The following SLC39A13 variants were observed in gnomAD, a reference collection of about 807,000 sequenced individuals.
The protein encoded by SLC39A13 is solute carrier family 39 member 13, also known as zinc transporter ZIP13.
A neutral mutation model predicts 38.7 loss-of-function variants in SLC39A13; 18 were observed. That is an observed-to-expected ratio of 0.47 (90% confidence interval 0.32 to 0.69). SLC39A13 has a LOEUF of 0.69. SLC39A13 is among the 30% of genes least tolerant of loss of function. The pLI, the probability that SLC39A13 is intolerant of heterozygous loss-of-function variation, is 0.03. For synonymous variants in SLC39A13, 212 were observed against 219.1 expected, an observed-to-expected ratio of 0.97 and a Z score of 0.29; for missense variants, 395 against 490.7, an observed-to-expected ratio of 0.80 and a Z score of 1.84.
chr11:47,414,370 G>C (rs1323954083), intron 6 of SLC39A13, 55 bp from the exon 7 acceptor site: 1 of 1,566,736 alleles, frequency 6.4e-7, no homozygotes, highest in African/African-American at 1.4e-5. Flanking sequence ...GAGTGGGCGA[G>C]TGGGGTGCTC....
upstream of SLC39A13, among the ~76,000 whole-genome samples, chr11:47,408,084 C>A (rs962753325): frequency 5.3e-5 from 8 of 152,280 alleles, no homozygotes; most frequent in Non-Finnish European, 1.0e-4. Context: ...TTCCCGGGGC[C>A]AGGCCCCTCC....
intron 2 of SLC39A13, among the ~76,000 whole-genome samples, chr11:47,411,597 TC>T (rs1565662337): frequency 6.6e-6 from 1 of 152,134 alleles, no homozygotes; most frequent in Non-Finnish European, 1.5e-5. Context: ...AGAGCGAGAC[TC>T]CATCTCAAAA....
Position 47,415,273 on chromosome 11 carries a change from G to A in SLC39A13, c.1041-15G>A, listed in dbSNP as rs762412348. On this transcript the variant is annotated splice_polypyrimidine_tract_variant and intron_variant, in intron 9 of 9. Coordinates refer to ENST00000362021, the MANE Select transcript of SLC39A13 (RefSeq NM_001128225.3). ...CCTGCCCATGCCTCCACCGTGAGCC[G>A]TTCCCTCCCCACAGGCGCTCCCTGC... is the stretch of plus-strand genomic sequence containing the variant. The A allele has an allele frequency of 2.2e-5, 36 of 1,613,702 alleles. 1 individual carries two copies. The Middle Eastern group carries it at 2.5e-3, about 111-fold the overall frequency.
intron 2 of SLC39A13, among the ~76,000 whole-genome samples, chr11:47,410,695 C>T (rs892014219): frequency 6.6e-6 from 1 of 152,090 alleles, no homozygotes; most frequent in African/African-American, 2.4e-5. Context: ...ATGTACTGCC[C>T]GTTCACAAAT....
rs773587008 is a variant in SLC39A13, at chr11:47,415,410, C to T, written c.*47C>T. 1.4e-5 allele frequency: 23 copies of T among 1,599,182 alleles called. No individual in the cohort carries two copies. In the Admixed American group the frequency reaches 2.5e-4, roughly 17 times the overall value. ...CTGCCCCCTGCAGCAATAAGATGCT[C>T]GGATTCACTCTGTGACCGCATATGT... On this transcript the variant is annotated 3_prime_UTR_variant, in exon 10 of 10. Transcript: ENST00000362021.
chr11:47,413,590 T>C lies in SLC39A13; in HGVS notation c.646-7T>C, dbSNP rs140597965. On this transcript the variant is annotated splice_region_variant and splice_polypyrimidine_tract_variant and intron_variant, in intron 5 of 9. Coordinates refer to ENST00000362021, the MANE Select transcript of SLC39A13 (RefSeq NM_001128225.3). Reference sequence around the variant, plus strand: ...CAGCCCTGCCTCCTGCCTTCCCTCCTTCCCAGGTCAGCGGCTACCTCAACC... The same window carrying C: ...CAGCCCTGCCTCCTGCCTTCCCTCCCTCCCAGGTCAGCGGCTACCTCAACC... 1.7e-4 allele frequency: 272 copies of C among 1,614,188 alleles called. 1 individual carries two copies. In the African/African-American group the frequency reaches 3.0e-3, roughly 18 times the overall value.
chr11:47,415,481 G>A lies in SLC39A13; in HGVS notation c.*118G>A, dbSNP rs368110805. The A allele has an allele frequency of 1.7e-4, 201 of 1,156,506 alleles. 3 individuals are homozygous for A. The South Asian group carries it at 2.2e-3, about 13-fold the overall frequency. 71.6% of individuals were successfully genotyped at this position (1,156,506 alleles called of 1,614,324 possible). On this transcript the variant is annotated 3_prime_UTR_variant, in exon 10 of 10. Coordinates refer to ENST00000362021, the MANE Select transcript of SLC39A13 (RefSeq NM_001128225.3). The stretch of plus-strand genomic sequence containing the variant: ...GGCTGCGAGAGAGAATGAGCCTCCC[G>A]CCAGACAGGAGGGAGGTGCGTGTGG...
intron 6 of SLC39A13, 52 bp downstream of exon 6, chr11:47,413,738 G>A (rs927657319): frequency 5.1e-6 from 8 of 1,581,470 alleles, no homozygotes; most frequent in Admixed American, 3.5e-5. Flanking sequence ...GCAGCCATGT[G>A]GATTCCACCT....
At chr11:47,410,705 T>C (rs1171928306) in intron 2 of SLC39A13, among the ~76,000 whole-genome samples, 4 of 152,068 alleles carry the variant, frequency 2.6e-5, no homozygotes, top group Non-Finnish European at 5.9e-5. Context: ...CGTTCACAAA[T>C]AACATGTTGT....
At position 47,409,995 on chromosome 11, in the gene SLC39A13, G is replaced by T. The variant is rs547952897; in HGVS notation, c.-8-92G>T. The T allele has an allele frequency of 1.3e-4, 186 of 1,482,846 alleles. No homozygotes were observed. In the South Asian group the frequency reaches 2.1e-3, roughly 16 times the overall value. 91.9% of individuals were successfully genotyped at this position (1,482,846 alleles called of 1,614,324 possible). A position where few individuals can be genotyped will look rare whatever the true frequency, so the allele number is the denominator to read the frequency against. ...GGACAGCAGGAGGGTGGATGCCAGG[G>T]TCCCTTGCGGGGAGGAGGGAGGCGC... On this transcript the variant is annotated intron_variant, in intron 1 of 9. Coordinates refer to ENST00000362021, the MANE Select transcript of SLC39A13 (RefSeq NM_001128225.3).
intron 3 of SLC39A13, 37 bp downstream of exon 3, chr11:47,412,076 A>G (rs755433114): frequency 6.3e-7 from 1 of 1,578,104 alleles, no homozygotes; most frequent in Non-Finnish European, 8.6e-7. Flanking sequence ...AGACAGTGCC[A>G]GGAGTGGGGG....
At chr11:47,413,246 T>C (rs1475526070) in intron 4 of SLC39A13, among the ~76,000 whole-genome samples, 154 bp from the exon 5 acceptor site, 1 of 152,168 alleles carries the variant, frequency 6.6e-6, no homozygotes, top group African/African-American at 2.4e-5. Flanking sequence ...CCTCAGGTGA[T>C]CCATCTGCCT....
chr11:47,410,936 G>A (rs2153293418), intron 2 of SLC39A13, among the ~76,000 whole-genome samples: 1 of 152,346 alleles, frequency 6.6e-6, no homozygotes, highest in South Asian at 2.1e-4. Flanking sequence ...TGTGAATAGA[G>A]CCCTGCTTGG....
Position 47,415,683 on chromosome 11 carries a change from C to T in SLC39A13, c.*320C>T. 1 of 450,836 alleles carries T rather than the reference C, an allele frequency of 2.2e-6. No homozygotes were observed. Among genetic ancestry groups the T allele is most frequent in the African/African-American group, 2.0e-5 (1 of 50,138 alleles). 27.9% of individuals were successfully genotyped at this position (450,836 alleles called of 1,614,324 possible). Reference sequence around the variant, plus strand: ...AGCAGCGAGGAAGAGCAGCACTGGTCCCAAGCAGAGGCCTTGCCCTGCTGG... The same window carrying T: ...AGCAGCGAGGAAGAGCAGCACTGGTTCCAAGCAGAGGCCTTGCCCTGCTGG... On this transcript the variant is annotated 3_prime_UTR_variant, in exon 10 of 10. Coordinates refer to ENST00000362021, the MANE Select transcript of SLC39A13 (RefSeq NM_001128225.3).
Position 47,415,480 on chromosome 11 carries a change from C to T in SLC39A13, c.*117C>T, listed in dbSNP as rs548112055. ...TGGCTGCGAGAGAGAATGAGCCTCC[C>T]GCCAGACAGGAGGGAGGTGCGTGTG... On this transcript the variant is annotated 3_prime_UTR_variant, in exon 10 of 10. Transcript: ENST00000362021. 7.2e-5 allele frequency: 85 copies of T among 1,181,482 alleles called. 1 individual carries two copies. Among genetic ancestry groups the T allele is most frequent in the South Asian group, 7.2e-4 (58 of 81,054 alleles). The allele number at this position is 1,181,482 out of a possible 1,614,324, so 73.2% of individuals were successfully genotyped here. A position where few individuals can be genotyped will look rare whatever the true frequency, so the allele number is the denominator to read the frequency against.
In SLC39A13 at chr11:47,413,585, C is replaced by G. The variant is rs2096010648; in HGVS notation, c.646-12C>G. 1.2e-6 allele frequency: 2 copies of G among 1,614,242 alleles called. No homozygotes were observed. Among genetic ancestry groups the G allele is most frequent in the South Asian group, 2.2e-5 (2 of 91,092 alleles). On this transcript the variant is annotated splice_polypyrimidine_tract_variant and intron_variant, in intron 5 of 9. Coordinates refer to ENST00000362021, the MANE Select transcript of SLC39A13 (RefSeq NM_001128225.3). ...CCACTCAGCCCTGCCTCCTGCCTTC[C>G]CTCCTTCCCAGGTCAGCGGCTACCT...
In SLC39A13 at chr11:47,412,423, T is replaced by C; in HGVS notation, c.493T>C (p.Leu165=). ...VIAGILTFLA[L]EKMFLDSKEE... The stretch of plus-strand genomic sequence containing the variant: ...TGCTGGCATCCTGACCTTCCTGGCG[T>C]TGGAGAAGATGTTCCTGGACAGCAA... The change falls in exon 4 of 10, where the codon TTG becomes CTG. Residue 165 remains leucine (L), a synonymous_variant. Transcript: ENST00000362021. The C allele has an allele frequency of 2.5e-6, 4 of 1,614,168 alleles. No individual in the cohort carries two copies. The highest frequency in any genetic ancestry group is 3.3e-5 in the Admixed American group (2 of 60,022).
At chr11:47,412,190 TG>T in intron 3 of SLC39A13, 151 bp downstream of exon 3, 4 of 1,295,246 alleles carry the variant, frequency 3.1e-6, no homozygotes, top group South Asian at 2.6e-5. Context: ...TCCTGGTCTC[TG>T]GGCCCTGGTC....
Position 47,413,495 on chromosome 11 carries a change from C to G in SLC39A13, c.633C>G (p.Val211=). 6.2e-7 allele frequency: 1 copy of G among 1,614,050 alleles called. No homozygotes were observed. The part of the protein sequence containing the change: ...PAAEPGLGAV[V]RSIKVSGYLN... ...CAGAGCCCGGCCTCGGTGCCGTGGT[C>G]CGGAGCATCAAAGTGAGTGGCCTGC... The change falls in exon 5 of 10, where the codon GTC becomes GTG. Residue 211 remains valine (V), a synonymous_variant. Transcript: ENST00000362021.
Sources: allele counts gnomAD v4.1 joint callset (sites outside exome capture counted in the v4.1 genomes callset), GRCh38; gene constraint gnomAD v4.1.1; transcripts MANE v1.5; gene names NCBI Gene and HGNC (gene_info 2026-07-23, HGNC 2026-07-21).